The following FETUB variants were observed in gnomAD, a reference collection of about 807,000 sequenced individuals.
FETUB encodes the protein fetuin B.
Under a neutral mutation model 30.9 loss-of-function variants are expected in FETUB, and 28 were observed. The observed-to-expected ratio is 0.90, with a 90% CI of 0.67 to 1.24. The LOEUF (loss-of-function observed/expected upper bound fraction) is 1.24, where lower values mean the gene tolerates loss of function less well. FETUB is among the 50% of genes most tolerant of loss of function. The pLI, the probability that FETUB is intolerant of heterozygous loss-of-function variation, is 0.00. For synonymous variants in FETUB, 186 were observed against 175.9 expected (o/e 1.06, Z -0.45); for missense variants, 469 against 455.3 (o/e 1.03, Z -0.27).
rs1357199995 is a variant in FETUB, at chr3:186,652,929, A to G, written c.*298A>G. 7.2e-6 allele frequency: 2 copies of G among 278,364 alleles called. No individual in the cohort carries two copies. The highest frequency in any genetic ancestry group is 4.3e-5 in the African/African-American group (2 of 46,028). The allele number at this position is 278,364 out of a possible 1,614,324, so 17.2% of individuals were successfully genotyped here. On this transcript the variant is annotated 3_prime_UTR_variant, in exon 7 of 7. Coordinates refer to ENST00000265029, the MANE Select transcript of FETUB (RefSeq NM_014375.3). ...TGTCTTCAGCCACTCACTTATAAAG[A>G]TACTTATCTTTTCAGCAGTATATAT...
intron 4 of FETUB, 113 bp from the exon 5 acceptor site, chr3:186,646,135 T>C: frequency 1.4e-6 from 1 of 713,334 alleles, no homozygotes; most frequent in Non-Finnish European, 2.5e-6. Context: ...ATATGTGCCT[T>C]GACAATGCCT....
chr3:186,651,416 G>A (rs1308126540), intron 6 of FETUB, 115 bp downstream of exon 6: 10 of 725,442 alleles, frequency 1.4e-5, no homozygotes, highest in Non-Finnish European at 2.4e-5. Flanking sequence ...TCACCACTTT[G>A]CGCAGGCTAG....
At chr3:186,637,903 T>C (rs1226427676), upstream of FETUB, among the ~76,000 whole-genome samples, 1 of 152,218 alleles carries the variant, frequency 6.6e-6, no homozygotes, top group Admixed American at 6.5e-5. Flanking sequence ...AGCCTGAGGC[T>C]CCCAAGAGCT....
At chr3:186,639,684 A>C (rs928228161), upstream of FETUB, among the ~76,000 whole-genome samples, 10 of 149,342 alleles carry the variant, frequency 6.7e-5, no homozygotes, top group Non-Finnish European at 1.0e-4. Flanking sequence ...AGAAGGCAAG[A>C]GTCCCAACCA....
intron 2 of FETUB, 184 bp from the exon 3 acceptor site, chr3:186,642,287 G>A (rs1717127259): frequency 5.3e-6 from 3 of 567,292 alleles, no homozygotes; most frequent in Admixed American, 6.6e-5. Context: ...ACATATTCTA[G>A]CTGTGTCCTA....
At chr3:186,649,259 G>A (rs903358002) in intron 5 of FETUB, among the ~76,000 whole-genome samples, 10 of 148,334 alleles carry the variant, frequency 6.7e-5, no homozygotes, top group African/African-American at 2.2e-4. Flanking sequence ...CCCACTTTAA[G>A]GAATTTCTAG....
In FETUB at chr3:186,652,318, C is replaced by G. The variant is rs753085487; in HGVS notation, c.836C>G (p.Pro279Arg). 4.4e-6 allele frequency: 7 copies of G among 1,600,770 alleles called. No homozygotes were observed. The South Asian group carries it at 7.9e-5, about 18-fold the overall frequency. Reference sequence around the variant, plus strand: ...GTTAACCAGAAACCTACAAACCTTCCCAAGGTGGAAGAATCCCAGCAGAAA... The same window carrying G: ...GTTAACCAGAAACCTACAAACCTTCGCAAGGTGGAAGAATCCCAGCAGAAA... ...SAVNQKPTNL[P>R]KVEESQQKNT... Residue 279 changes from proline to arginine, a missense_variant, in exon 7 of 7, where the codon CCC becomes CGC. By Grantham distance (103) the Pro-to-Arg change is moderately radical. Transcript: ENST00000265029.
At chr3:186,643,178 C>T (rs1717210740) in intron 3 of FETUB, among the ~76,000 whole-genome samples, 1 of 152,204 alleles carries the variant, frequency 6.6e-6, no homozygotes, top group Non-Finnish European at 1.5e-5. Context: ...TATCTTACAT[C>T]ATGTAGAATA....
In FETUB at chr3:186,640,445, C is replaced by G. The variant is rs1716935169; in HGVS notation, c.-16C>G. On this transcript the variant is annotated 5_prime_UTR_variant, in exon 1 of 7. Transcript: ENST00000265029. ...GCTCCACAAACTGACCCATCCTGGG[C>G]CTTGTTCTCCACAGAATGGGTCTGC... 1 of 1,603,594 alleles carries G rather than the reference C, an allele frequency of 6.2e-7. No individual in the cohort carries two copies.
rs777245602 is a variant in FETUB, at chr3:186,644,896, CAAAGT to C, written c.571_575del (p.Lys191HisfsTer5). The C allele has an allele frequency of 6.2e-6, 10 of 1,613,114 alleles. No homozygotes were observed. The highest frequency in any genetic ancestry group is 1.3e-5 in the African/African-American group (1 of 74,864). On this transcript the variant is annotated frameshift_variant, in exon 4 of 7. Transcript: ENST00000265029. LOFTEE classifies it high-confidence loss of function. ...ACACATCCAAGCAGTATTCTCTCTT[CAAAGT>C]CACCAGGGCTTCTAGCCAGGTAAGG...
intron 6 of FETUB, 49 bp from the exon 7 acceptor site, chr3:186,652,214 G>A (rs1444701870): frequency 6.6e-7 from 1 of 1,521,424 alleles, no homozygotes; most frequent in African/African-American, 1.4e-5. Context: ...ACTAGGCATG[G>A]GAGGACTTTC....
At chr3:186,642,243 T>C (rs1357828993) in intron 2 of FETUB, 1 of 497,128 alleles carries the variant, frequency 2.0e-6, no homozygotes, top group African/African-American at 2.0e-5. Context: ...AGAACTCAAT[T>C]ATACACAGTC....
upstream of FETUB, among the ~76,000 whole-genome samples, chr3:186,639,125 G>A (rs1420652476): frequency 6.6e-6 from 1 of 152,208 alleles, no homozygotes; most frequent in African/African-American, 2.4e-5. Context: ...GGGCTGGGAA[G>A]TCTAAGATCG....
upstream of FETUB, among the ~76,000 whole-genome samples, chr3:186,636,766 C>T (rs191174162): frequency 8.5e-5 from 13 of 152,296 alleles, no homozygotes; most frequent in African/African-American, 2.6e-4. Context: ...AGAAAGTAAA[C>T]GACGTGATTT....
rs756414944 is a variant in FETUB, at chr3:186,652,322, G to C, written c.840G>C (p.Lys280Asn). 5.6e-6 allele frequency: 9 copies of C among 1,604,106 alleles called. No homozygotes were observed. ...ACCAGAAACCTACAAACCTTCCCAAGGTGGAAGAATCCCAGCAGAAAAACA... is the reference window on the plus strand; with the variant it reads ...ACCAGAAACCTACAAACCTTCCCAACGTGGAAGAATCCCAGCAGAAAAACA... ...AVNQKPTNLP[K>N]VEESQQKNTP... The change falls in exon 7 of 7, where the codon AAG becomes AAC. Residue 280 changes from lysine to asparagine, a missense_variant. Transcript: ENST00000265029.
At position 186,640,526 on chromosome 3, in the gene FETUB, C is replaced by A. The variant is rs76555921; in HGVS notation, c.66C>A (p.Pro22=). 2.1e-3 allele frequency: 3,375 copies of A among 1,614,208 alleles called. 65 individuals carry two copies. In the African/African-American group the frequency reaches 0.036, roughly 17 times the overall value. Residue 22 remains proline, a synonymous_variant, in exon 1 of 7, where the codon CCC becomes CCA. Coordinates refer to ENST00000265029, the MANE Select transcript of FETUB (RefSeq NM_014375.3). ...LVLCCGAMSP[P]QLALNPSALL... is the part of the protein sequence containing the mutation. Reference sequence around the variant, plus strand: ...TGTGCTGCGGAGCAATGTCTCCACCCCAGCTGGCCCTCAACCCCTCGGCTC... The same window carrying A: ...TGTGCTGCGGAGCAATGTCTCCACCACAGCTGGCCCTCAACCCCTCGGCTC...
intron 5 of FETUB, among the ~76,000 whole-genome samples, chr3:186,648,072 T>C (rs538426713): frequency 6.6e-6 from 1 of 152,228 alleles, no homozygotes; most frequent in Non-Finnish European, 1.5e-5. Flanking sequence ...GTCTTGGTGG[T>C]ATAAGAATGA....
upstream of FETUB, among the ~76,000 whole-genome samples, chr3:186,636,628 CAT>C (rs1560016877): frequency 6.6e-6 from 1 of 152,118 alleles, no homozygotes; most frequent in African/African-American, 2.4e-5. Flanking sequence ...AGATTCCAAA[CAT>C]AGGATACTTC....
At chr3:186,648,614 T>C (rs931766828) in intron 5 of FETUB, among the ~76,000 whole-genome samples, 1 of 152,348 alleles carries the variant, frequency 6.6e-6, no homozygotes, top group Non-Finnish European at 1.5e-5. Context: ...CAATATTAAG[T>C]TTTCAATTCC....
Sources: gnomAD v4.1 joint callset for allele counts (sites outside exome capture counted in the v4.1 genomes callset) on GRCh38, gnomAD v4.1.1 for gene constraint, MANE v1.5 for transcripts, NCBI Gene and HGNC (gene_info 2026-07-23, HGNC 2026-07-21) for gene names.